Variants in CEP112 observed in about 807,000 individuals in gnomAD.
CEP112 encodes centrosomal protein of 112 kDa.
Under a neutral mutation model 153.0 loss-of-function variants are expected in CEP112, and 127 were observed. That is an observed-to-expected ratio of 0.83 (90% CI 0.72 to 0.96). CEP112 has a LOEUF of 0.96. CEP112 is among the 40% of genes least tolerant of loss of function. The pLI, the probability that CEP112 is intolerant of heterozygous loss-of-function variation, is 0.00. For missense variants in CEP112, 1,089 were observed against 1,101.2 expected (o/e 0.99, Z 0.16); for synonymous variants, 358 against 374.4 (o/e 0.96, Z 0.51).
intron 20 of CEP112, among the ~76,000 whole-genome samples, chr17:65,864,181 G>A (rs2058407002): frequency 6.6e-6 from 1 of 150,424 alleles, no homozygotes; most frequent in African/African-American, 2.4e-5. Flanking sequence ...CTCTGGATTT[G>A]ACACAGGTTT....
chr17:66,181,644 C>G (rs149427385), intron 2 of CEP112, among the ~76,000 whole-genome samples: 344 of 152,176 alleles, frequency 2.3e-3, no homozygotes, highest in African/African-American at 7.9e-3. Flanking sequence ...CATGAGCCAC[C>G]GCGCTTGGCC....
At chr17:65,737,837 T>C (rs951026115) in intron 23 of CEP112, among the ~76,000 whole-genome samples, 3 of 152,188 alleles carry the variant, frequency 2.0e-5, no homozygotes, top group African/African-American at 7.2e-5. Context: ...TAAACTTACA[T>C]GAGAAAGAAA....
intron 17 of CEP112, among the ~76,000 whole-genome samples, chr17:65,967,355 C>T (rs1885156692): frequency 1.3e-5 from 2 of 152,192 alleles, no homozygotes; most frequent in South Asian, 4.1e-4. Flanking sequence ...TTCAAAAGAA[C>T]TAGTTCTGGC....
intron 10 of CEP112, 138 bp from the exon 11 acceptor site, chr17:66,063,219 A>G: frequency 2.2e-6 from 1 of 444,640 alleles, no homozygotes; most frequent in Admixed American, 4.3e-5. Context: ...AATATCTTTT[A>G]TTCCTTGCTC....
chr17:66,020,564 G>T (rs1598130570), intron 16 of CEP112, among the ~76,000 whole-genome samples: 1 of 152,190 alleles, frequency 6.6e-6, no homozygotes, highest in South Asian at 2.1e-4. Context: ...GTATTACAAA[G>T]TGTTTTTTAA....
intron 18 of CEP112, among the ~76,000 whole-genome samples, chr17:65,958,244 G>T (rs2062067440): frequency 6.6e-6 from 1 of 152,092 alleles, no homozygotes; most frequent in African/African-American, 2.4e-5. Flanking sequence ...TATTATATGA[G>T]CTCTTATATA....
At chr17:65,801,961 G>A (rs2055306365) in intron 21 of CEP112, among the ~76,000 whole-genome samples, 1 of 152,088 alleles carries the variant, frequency 6.6e-6, no homozygotes, top group Non-Finnish European at 1.5e-5. Context: ...CAATATTTTA[G>A]TATGGCAACT....
intron 6 of CEP112, among the ~76,000 whole-genome samples, chr17:66,124,318 C>G (rs905871748): frequency 6.6e-6 from 1 of 152,136 alleles, no homozygotes; most frequent in African/African-American, 2.4e-5. Flanking sequence ...ACTGGCCAAA[C>G]TCTGAAGGAA....
At chr17:66,121,112 C>G (rs1469669440) in intron 6 of CEP112, among the ~76,000 whole-genome samples, 1 of 152,026 alleles carries the variant, frequency 6.6e-6, no homozygotes, top group Non-Finnish European at 1.5e-5. Context: ...AACCCCGTCT[C>G]TACTAAAAAT....
chr17:65,640,866 A>G (rs1002158353), intron 25 of CEP112, 98 bp downstream of exon 25: 16 of 755,212 alleles, frequency 2.1e-5, no homozygotes, highest in Non-Finnish European at 3.3e-5. Flanking sequence ...ATGACATCAC[A>G]TTGATTTCTG....
intron 21 of CEP112, among the ~76,000 whole-genome samples, chr17:65,848,448 G>A (rs2057804801): frequency 6.6e-6 from 1 of 151,976 alleles, no homozygotes; most frequent in South Asian, 2.1e-4. Flanking sequence ...TTCTTCTCAT[G>A]TTCCTTCTAC....
At chr17:65,738,238 T>C (rs761928443) in intron 23 of CEP112, among the ~76,000 whole-genome samples, 2 of 152,146 alleles carry the variant, frequency 1.3e-5, no homozygotes, top group Non-Finnish European at 2.9e-5. Context: ...AATTAAACTA[T>C]AGGATATGGT....
intron 20 of CEP112, among the ~76,000 whole-genome samples, chr17:65,853,811 C>G (rs1175713752): frequency 6.6e-6 from 1 of 152,028 alleles, no homozygotes; most frequent in Non-Finnish European, 1.5e-5. Context: ...AAATGGACTT[C>G]AGTGGTTATT....
At chr17:65,859,369 G>A (rs1165382654) in intron 20 of CEP112, among the ~76,000 whole-genome samples, 1 of 150,160 alleles carries the variant, frequency 6.7e-6, no homozygotes, top group East Asian at 2.0e-4. Context: ...GAACCCAGGA[G>A]GCGGAGGTTG....
intron 23 of CEP112, among the ~76,000 whole-genome samples, chr17:65,740,728 T>C (rs1317649660): frequency 1.3e-5 from 2 of 152,190 alleles, no homozygotes. Flanking sequence ...TTATTGAATA[T>C]ATCTGCAGAC....
At chr17:66,010,197 A>G (rs1261756639) in intron 16 of CEP112, among the ~76,000 whole-genome samples, 1 of 152,078 alleles carries the variant, frequency 6.6e-6, no homozygotes, top group Non-Finnish European at 1.5e-5. Context: ...GTGTATTCCT[A>G]GGTATTTTAT....
chr17:65,666,763 T>C (rs1486166599), intron 24 of CEP112, among the ~76,000 whole-genome samples: 11 of 152,168 alleles, frequency 7.2e-5, no homozygotes, highest in South Asian at 4.2e-4. Context: ...GAAAGTTCAA[T>C]TGATAATTAA....
chr17:65,697,191 G>A (rs1567878216), intron 23 of CEP112, among the ~76,000 whole-genome samples: 1 of 152,222 alleles, frequency 6.6e-6, no homozygotes, highest in East Asian at 1.9e-4. Flanking sequence ...ATAAAATCTT[G>A]ACGTAAACCT....
At chr17:65,684,948 C>T (rs11657973) in intron 24 of CEP112, among the ~76,000 whole-genome samples, 48,678 of 152,066 alleles carry the variant, frequency 0.32, 8,085 homozygotes, top group Middle Eastern at 0.49. Context: ...ATTACCTCCT[C>T]CTATGAATAA....
Sources: gnomAD v4.1 joint callset for allele counts (sites outside exome capture counted in the v4.1 genomes callset) on GRCh38, gnomAD v4.1.1 for gene constraint, MANE v1.5 for transcripts, NCBI Gene and HGNC (gene_info 2026-07-23, HGNC 2026-07-21) for gene names.